Variants in RBFOX3 observed in about 807,000 individuals in gnomAD.
RBFOX3 encodes RNA binding fox-1 homolog 3.
A neutral mutation model predicts 48.7 loss-of-function variants in RBFOX3; 17 were observed. The ratio of observed to expected loss-of-function variants is 0.35; its 90% confidence interval spans 0.24 to 0.52. The LOEUF is 0.52. Ranked by LOEUF, RBFOX3 falls within the 20% of genes least tolerant of loss-of-function variation. The pLI is 0.94. For missense variants in RBFOX3, 382 were observed against 497.5 expected, an observed-to-expected ratio of 0.77 and a Z score of 2.21; for synonymous variants, 212 against 209.5, an observed-to-expected ratio of 1.01 and a Z score of -0.10.
intron 4 of RBFOX3, among the ~76,000 whole-genome samples, chr17:79,219,989 C>G (rs1428232519): frequency 1.3e-5 from 2 of 151,240 alleles, no homozygotes; most frequent in Non-Finnish European, 2.9e-5. Context: ...ACAGTCTGGC[C>G]GACAGCCAGC....
chr17:79,550,718 T>C lies in RBFOX3; in HGVS notation c.-320+60108A>G, dbSNP rs983647427. Among the ~76,000 whole-genome samples, 852 of 151,984 alleles carry C rather than the reference T, an allele frequency of 5.6e-3. 3 individuals are homozygous for C. The highest frequency in any genetic ancestry group is 0.019 in the African/African-American group (792 of 41,474). Reference sequence around the variant, plus strand: ...GTAGATGGATGAGTGGATGGAAGGATGGATGAGTGGATGGAAGAATGGATA... The same window carrying C: ...GTAGATGGATGAGTGGATGGAAGGACGGATGAGTGGATGGAAGAATGGATA... On this transcript the variant is annotated intron_variant, in intron 1 of 14. Transcript: ENST00000693108.
At chr17:79,237,838 G>T (rs2061818860) in intron 3 of RBFOX3, among the ~76,000 whole-genome samples, 1 of 152,232 alleles carries the variant, frequency 6.6e-6, no homozygotes, top group Non-Finnish European at 1.5e-5. Flanking sequence ...ACGCTGAGAA[G>T]GGCAGGTGTG....
chr17:79,503,865 G>T (rs2082698899), intron 1 of RBFOX3, among the ~76,000 whole-genome samples: 2 of 152,216 alleles, frequency 1.3e-5, no homozygotes, highest in African/African-American at 4.8e-5. Context: ...CCAGAGGGGT[G>T]CAGAGCTCAC....
chr17:79,374,630 CA>C (rs2058993639), intron 2 of RBFOX3, among the ~76,000 whole-genome samples: 1 of 152,240 alleles, frequency 6.6e-6, no homozygotes, highest in African/African-American at 2.4e-5. Flanking sequence ...ACGCACGGCA[CA>C]TGTGTACACG....
intron 2 of RBFOX3, among the ~76,000 whole-genome samples, chr17:79,335,704 C>T (rs755432438): frequency 4.6e-5 from 7 of 152,212 alleles, no homozygotes; most frequent in African/African-American, 9.7e-5. Flanking sequence ...CCTGCTCCCA[C>T]GTGCTCATGC....
chr17:79,392,526 C>T lies in RBFOX3; in HGVS notation c.-174-84702G>A, dbSNP rs187364395. Reference sequence around the variant, plus strand: ...CTGGCTCCTGTTCCTGCTGGAGCCACGGGGAGCTGCCCTTCCCACCCACTT... The same window carrying T: ...CTGGCTCCTGTTCCTGCTGGAGCCATGGGGAGCTGCCCTTCCCACCCACTT... On this transcript the variant is annotated intron_variant, in intron 2 of 14. Coordinates refer to ENST00000693108, the MANE Select transcript of RBFOX3 (RefSeq NM_001350451.2). This position sits in a 1 kb window ranked among gnomAD's most constrained non-coding sequence, Gnocchi z 5.0. 2.2e-3 allele frequency among the ~76,000 whole-genome samples: 336 copies of T among 152,172 alleles called. 2 individuals are homozygous for T. Among genetic ancestry groups the T allele is most frequent in the Non-Finnish European group, 4.0e-3 (274 of 68,038 alleles).
chr17:79,401,662 C>T (rs1042603123), intron 2 of RBFOX3, among the ~76,000 whole-genome samples: 1 of 152,196 alleles, frequency 6.6e-6, no homozygotes, highest in African/African-American at 2.4e-5. Flanking sequence ...TCCCATGCCC[C>T]GTGTTTGGAC....
chr17:79,104,751 C>G (rs1448498366), intron 6 of RBFOX3, among the ~76,000 whole-genome samples: 3 of 152,106 alleles, frequency 2.0e-5, no homozygotes, highest in African/African-American at 7.2e-5. Context: ...AGCAGGACCC[C>G]TGGTTGGGAA....
chr17:79,097,088 A>G (rs1367333958), intron 11 of RBFOX3, among the ~76,000 whole-genome samples: 1 of 151,576 alleles, frequency 6.6e-6, no homozygotes, highest in East Asian at 1.9e-4. Context: ...AATGCCAGTG[A>G]CCTCCGCGAT....
intron 2 of RBFOX3, among the ~76,000 whole-genome samples, chr17:79,344,645 C>G (rs1049813475): frequency 6.6e-6 from 1 of 152,122 alleles, no homozygotes; most frequent in Admixed American, 6.5e-5. Flanking sequence ...ACTTCCACCT[C>G]CCAAGTTCAA....
chr17:79,391,562 A>T lies in RBFOX3; in HGVS notation c.-174-83738T>A, dbSNP rs1196771224. 6.6e-6 allele frequency among the ~76,000 whole-genome samples: 1 copy of T among 152,224 alleles called. No individual in the cohort carries two copies. The highest frequency in any genetic ancestry group is 1.5e-5 in the Non-Finnish European group (1 of 68,044). ...TAATCTCACCCGAAACCAACCTCAC[A>T]GGTGCTGATTCACTTTTAGGAATTA... On this transcript the variant is annotated intron_variant, in intron 2 of 14. Transcript: ENST00000693108. This position sits in a 1 kb window ranked among gnomAD's most constrained non-coding sequence, Gnocchi z 5.0.
At chr17:79,659,964 ATCATGTGAGG>A in the RBFOX3 span, among the ~76,000 whole-genome samples, 2 of 152,192 alleles carry the variant, frequency 1.3e-5, no homozygotes, top group African/African-American at 4.8e-5. Context: ...AGGCGGGCAG[ATCATGTGAGG>A]TCAGGAGCTC....
chr17:79,338,470 T>C (rs1372749596), intron 2 of RBFOX3, among the ~76,000 whole-genome samples: 1 of 152,206 alleles, frequency 6.6e-6, no homozygotes. Flanking sequence ...GCTGGTGAGA[T>C]GGGAAGAGTC....
At chr17:79,201,246 A>AATAG (rs2056714724) in intron 4 of RBFOX3, among the ~76,000 whole-genome samples, 1 of 152,042 alleles carries the variant, frequency 6.6e-6, no homozygotes, top group Non-Finnish European at 1.5e-5. Flanking sequence ...TCCAGGTTGG[A>AATAG]ATAGATCTAC....
In RBFOX3 at chr17:79,115,678, G is replaced by A. The variant is rs1226535060; in HGVS notation, c.38C>T (p.Pro13Leu). 12 of 1,161,834 alleles carry A rather than the reference G, an allele frequency of 1.0e-5. No homozygotes were observed. The highest frequency in any genetic ancestry group is 6.3e-5 in the African/African-American group (4 of 63,786). The allele number at this position is 1,161,834 out of a possible 1,614,324, so 72.0% of individuals were successfully genotyped here. Reference protein sequence around the residue: ...QPYPPAQYPPPPQNGIPAEYA... With the variant: ...QPYPPAQYPPLPQNGIPAEYA... Reference sequence around the variant, plus strand: ...CTCGGCAGGGATGCCGTTCTGTGGCGGAGGGGGGTACTGGGCGGGGGGGTA... The same window carrying A: ...CTCGGCAGGGATGCCGTTCTGTGGCAGAGGGGGGTACTGGGCGGGGGGGTA... The change falls in exon 5 of 15, where the codon CCG (proline) becomes CTG (leucine). Residue 13 changes from proline (P) to leucine (L), a missense_variant. By Grantham distance (98) the Pro-to-Leu change is moderately conservative. Coordinates refer to ENST00000693108, the MANE Select transcript of RBFOX3 (RefSeq NM_001350451.2).
At chr17:79,207,490 G>A (rs1259939544) in intron 4 of RBFOX3, among the ~76,000 whole-genome samples, 1 of 152,220 alleles carries the variant, frequency 6.6e-6, no homozygotes, top group Non-Finnish European at 1.5e-5. Flanking sequence ...TGGCACCAGG[G>A]CCCCTTGCAA....
At chr17:79,518,884 C>G (rs1342047182) in intron 1 of RBFOX3, among the ~76,000 whole-genome samples, 2 of 152,246 alleles carry the variant, frequency 1.3e-5, no homozygotes, top group African/African-American at 4.8e-5. Context: ...AAATTGTTTT[C>G]CCGTCGTAGG....
At chr17:79,507,390 T>G (rs1971298575) in intron 1 of RBFOX3, among the ~76,000 whole-genome samples, 1 of 152,124 alleles carries the variant, frequency 6.6e-6, no homozygotes, top group East Asian at 1.9e-4. Flanking sequence ...TTGGAGGGCC[T>G]AAATTTGGCG....
chr17:79,340,097 G>A (rs28401620), intron 2 of RBFOX3, among the ~76,000 whole-genome samples: 20,001 of 152,100 alleles, frequency 0.13, 1,685 homozygotes, highest in African/African-American at 0.24. Context: ...CCAGGAGTTC[G>A]AGACCAGCCT....
Sources: allele counts gnomAD v4.1 joint callset (sites outside exome capture counted in the v4.1 genomes callset), GRCh38; gene constraint gnomAD v4.1.1; non-coding constraint Gnocchi (gnomAD v3.1); transcripts MANE v1.5; gene names NCBI Gene and HGNC (gene_info 2026-07-23, HGNC 2026-07-21).